The following TCF7L2 variants were observed in gnomAD, a reference collection of about 807,000 sequenced individuals.
TCF7L2 encodes the protein transcription factor 7 like 2.
In TCF7L2, 23 loss-of-function variants were observed where a neutral mutation model predicts 77.9. That is an observed-to-expected ratio of 0.30 (90% CI 0.21 to 0.42). TCF7L2 has a LOEUF of 0.42. Ranked by LOEUF, TCF7L2 falls within the 10% of genes least tolerant of loss-of-function variation. TCF7L2 has a pLI of 1.00. For synonymous variants in TCF7L2, 413 were observed against 340.2 expected (o/e 1.21, Z -2.36); for missense variants, 654 against 793.1 (o/e 0.82, Z 2.11).
chr10:112,988,123 CAG>C (rs1289640509), intron 4 of TCF7L2, among the ~76,000 whole-genome samples: 2 of 150,840 alleles, frequency 1.3e-5, no homozygotes, highest in South Asian at 2.1e-4. Flanking sequence ...TGTTTTGAGA[CAG>C]AGTCTTGCTC....
chr10:113,119,367 A>G lies in TCF7L2; in HGVS notation c.553-21817A>G, dbSNP rs149327693. Reference sequence around the variant, plus strand: ...GCCCTTAGTTCAGACTCCTGGTGCCACCAACAATGCTTATTTTTTATGCTG... The same window carrying G: ...GCCCTTAGTTCAGACTCCTGGTGCCGCCAACAATGCTTATTTTTTATGCTG... On this transcript the variant is annotated intron_variant, in intron 5 of 13. Transcript: ENST00000627217. Among the ~76,000 whole-genome samples the G allele has an allele frequency of 9.1e-4, 139 of 152,174 alleles. 1 individual carries two copies. Among genetic ancestry groups the G allele is most frequent in the Non-Finnish European group, 1.9e-3 (128 of 68,032 alleles).
intron 4 of TCF7L2, among the ~76,000 whole-genome samples, chr10:112,972,771 T>C (rs1233093939): frequency 6.6e-6 from 1 of 152,196 alleles, no homozygotes; most frequent in Non-Finnish European, 1.5e-5. Flanking sequence ...GCGCCCAGCA[T>C]ATGTGAATTC....
intron 11 of TCF7L2, among the ~76,000 whole-genome samples, chr10:113,154,156 C>T (rs1696858666): frequency 6.6e-6 from 1 of 152,214 alleles, no homozygotes; most frequent in African/African-American, 2.4e-5. Context: ...GGAGGCCTTT[C>T]TTCTGGAGCT....
chr10:113,008,069 A>G (rs2045875326), intron 4 of TCF7L2, among the ~76,000 whole-genome samples: 1 of 152,224 alleles, frequency 6.6e-6, no homozygotes, highest in Non-Finnish European at 1.5e-5. Context: ...TGCAAAAGTG[A>G]AAGCGACCCA....
chr10:112,959,552 A>G (rs1194516787), intron 3 of TCF7L2, among the ~76,000 whole-genome samples: 1 of 152,226 alleles, frequency 6.6e-6, no homozygotes, highest in African/African-American at 2.4e-5. Context: ...GTGAAAGGGG[A>G]TGCTGTCGTT....
intron 7 of TCF7L2, among the ~76,000 whole-genome samples, chr10:113,145,114 GT>G (rs71007415): frequency 0.2 from 29,536 of 146,138 alleles, 3,543 homozygotes; most frequent in East Asian, 0.67. Context: ...ATTCTATGCT[GT>G]TTTTTTTTTT....
At chr10:113,120,821 G>A (rs2064654124) in intron 5 of TCF7L2, among the ~76,000 whole-genome samples, 1 of 152,202 alleles carries the variant, frequency 6.6e-6, no homozygotes, top group Non-Finnish European at 1.5e-5. Context: ...GCCTCAGGAA[G>A]TATGAGGCCA....
chr10:112,951,291 G>T lies in TCF7L2; in HGVS notation c.256+18G>T. 1 of 1,313,220 alleles carries T rather than the reference G, an allele frequency of 7.6e-7. No homozygotes were observed. Among genetic ancestry groups the T allele is most frequent in the Non-Finnish European group, 9.9e-7 (1 of 1,012,756 alleles). The allele number at this position is 1,313,220 out of a possible 1,614,324, so 81.3% of individuals were successfully genotyped here. A position where few individuals can be genotyped will look rare whatever the true frequency, so the allele number is the denominator to read the frequency against. On this transcript the variant is annotated intron_variant, in intron 2 of 13. Transcript: ENST00000627217. Reference sequence around the variant, plus strand: ...GGAAGAAGGTGAGTACGCCCCGCGCGCCCCGCAGCCGCCCGGAGCCGCCCC... The same window carrying T: ...GGAAGAAGGTGAGTACGCCCCGCGCTCCCCGCAGCCGCCCGGAGCCGCCCC...
intron 5 of TCF7L2, among the ~76,000 whole-genome samples, chr10:113,089,042 A>G (rs1241592945): frequency 1.3e-5 from 2 of 152,188 alleles, no homozygotes; most frequent in Non-Finnish European, 2.9e-5. Context: ...ATTTCACATA[A>G]CTAATAGATT....
rs114459251 is a variant in TCF7L2, at chr10:113,064,015, G to A, written c.552+23889G>A. 2.0e-3 allele frequency among the ~76,000 whole-genome samples: 297 copies of A among 152,124 alleles called. 1 individual carries two copies. Among genetic ancestry groups the A allele is most frequent in the African/African-American group, 6.3e-3 (263 of 41,510 alleles). Reference sequence around the variant, plus strand: ...AGGTTCCTGAAATAGACAAGTCTAGGGAACTCCTGCGAGGAAGGGGAGGCG... The same window carrying A: ...AGGTTCCTGAAATAGACAAGTCTAGAGAACTCCTGCGAGGAAGGGGAGGCG... On this transcript the variant is annotated intron_variant, in intron 5 of 13. Transcript: ENST00000627217.
chr10:112,955,659 T>C (rs980818047), intron 3 of TCF7L2, among the ~76,000 whole-genome samples: 6 of 152,058 alleles, frequency 3.9e-5, no homozygotes, highest in African/African-American at 1.4e-4. Context: ...TTGCTAGGAG[T>C]TCTTCACCTT....
intron 4 of TCF7L2, among the ~76,000 whole-genome samples, chr10:113,028,441 G>A (rs973942551): frequency 3.3e-5 from 5 of 152,106 alleles, no homozygotes; most frequent in African/African-American, 9.7e-5. Context: ...TGGGTGTAGC[G>A]TTACGAAGCA....
At chr10:113,105,034 C>T (rs1483783882) in intron 5 of TCF7L2, among the ~76,000 whole-genome samples, 2 of 152,204 alleles carry the variant, frequency 1.3e-5, no homozygotes, top group African/African-American at 4.8e-5. Context: ...ATTAACTTGA[C>T]TTTGTGGGAC....
chr10:113,036,115 CCAT>C (rs71869784), intron 4 of TCF7L2, among the ~76,000 whole-genome samples: 48,630 of 146,280 alleles, frequency 0.33, 8,865 homozygotes, highest in East Asian at 0.6. Context: ...ATCATCATCA[CCAT>C]CATCATCATC....
At chr10:113,093,851 T>A (rs1488094531) in intron 5 of TCF7L2, among the ~76,000 whole-genome samples, 1 of 152,254 alleles carries the variant, frequency 6.6e-6, no homozygotes, top group Non-Finnish European at 1.5e-5. Context: ...CTTCTTCCTG[T>A]AATTGCTCAG....
intron 4 of TCF7L2, among the ~76,000 whole-genome samples, chr10:113,009,120 G>A (rs1311569566): frequency 6.6e-6 from 1 of 152,132 alleles, no homozygotes; most frequent in Non-Finnish European, 1.5e-5. Flanking sequence ...ATTTTTTGAA[G>A]AGATGGGGTC....
chr10:113,088,941 G>GA lies in TCF7L2; in HGVS notation c.552+48829dup, dbSNP rs1184478864. On this transcript the variant is annotated intron_variant, in intron 5 of 13. Coordinates refer to ENST00000627217, the MANE Select transcript of TCF7L2 (RefSeq NM_001146274.2). Reference sequence around the variant, plus strand: ...CAACATAGCAAGACCCCATCTCTTAGAAAAAAAAAAAAAAGATCAGCTCCC... The same window carrying GA: ...CAACATAGCAAGACCCCATCTCTTAGAAAAAAAAAAAAAAAGATCAGCTCCC... 8.9e-3 allele frequency among the ~76,000 whole-genome samples: 1,135 copies of GA among 128,222 alleles called. 5 individuals carry two copies. The highest frequency in any genetic ancestry group is 0.011 in the East Asian group (50 of 4,510). 84.1% of individuals were successfully genotyped at this position (128,222 alleles called of 152,430 possible). A position where few individuals can be genotyped will look rare whatever the true frequency, so the allele number is the denominator to read the frequency against.
chr10:113,053,223 C>T (rs541540246), intron 5 of TCF7L2, among the ~76,000 whole-genome samples: 53 of 152,110 alleles, frequency 3.5e-4, no homozygotes, highest in South Asian at 1.9e-3. Flanking sequence ...TGTCAAGGAG[C>T]GGGAGGGCGG....
rs999025086 is a variant in TCF7L2 at position 113,158,777 on chromosome 10, C to G, written c.1318+708C>G. On this transcript the variant is annotated intron_variant, in intron 12 of 13. Coordinates refer to ENST00000627217, the MANE Select transcript of TCF7L2 (RefSeq NM_001146274.2). ...ATAAACTGTTTTTTAATTTTTCTTG[C>G]CATTATAGTTTTATTAACATTTAAA... 1.8e-5 allele frequency: 27 copies of G among 1,541,226 alleles called. No homozygotes were observed. In the African/African-American group the frequency reaches 3.2e-4, roughly 18 times the overall value.
Sources: gnomAD v4.1 joint callset for allele counts (sites outside exome capture counted in the v4.1 genomes callset) on GRCh38, gnomAD v4.1.1 for gene constraint, MANE v1.5 for transcripts, NCBI Gene and HGNC (gene_info 2026-07-23, HGNC 2026-07-21) for gene names.